Variants in PARL observed in about 807,000 individuals in gnomAD.
The protein encoded by PARL is presenilin associated rhomboid like, also known as presenilin-associated rhomboid-like protein, mitochondrial.
Under a neutral mutation model 51.6 loss-of-function variants are expected in PARL, and 44 were observed. The ratio of observed to expected loss-of-function variants is 0.85; its 90% CI spans 0.67 to 1.10. The LOEUF (loss-of-function observed/expected upper bound fraction) is 1.10, where lower values mean the gene tolerates loss of function less well. Among genes scored for constraint, PARL ranks in the 50% least tolerant of loss-of-function variants. The pLI is 0.00. For missense variants in PARL, 441 were observed against 469.5 expected (o/e 0.94, Z 0.56); for synonymous variants, 172 against 164.0 (o/e 1.05, Z -0.37).
intron 1 of PARL, among the ~76,000 whole-genome samples, chr3:183,875,143 G>A (rs544329788): frequency 4.5e-4 from 68 of 152,186 alleles, no homozygotes; most frequent in South Asian, 2.1e-3. Flanking sequence ...GGCTGGGTGT[G>A]GTGGCTCCCA....
intron 1 of PARL, among the ~76,000 whole-genome samples, chr3:183,882,225 ATATATATATATATAT>A (rs1734552556): frequency 5.1e-5 from 4 of 78,266 alleles, no homozygotes; most frequent in Non-Finnish European, 8.6e-5. Flanking sequence ...AAAAAAAAAT[ATATATATATATATAT>A]ATATTTATAT....
At chr3:183,840,086 T>TTTG (rs1318203812) in intron 7 of PARL, among the ~76,000 whole-genome samples, 1 of 152,176 alleles carries the variant, frequency 6.6e-6, no homozygotes, top group Non-Finnish European at 1.5e-5. Flanking sequence ...AGGAGCCTTT[T>TTTG]TTGTTGTTGT....
chr3:183,884,597 G>T, intron 1 of PARL, 125 bp downstream of exon 1: 1 of 898,010 alleles, frequency 1.1e-6, no homozygotes, highest in Non-Finnish European at 1.7e-6. Flanking sequence ...GAGAGAAGGG[G>T]CAGGTAAGGT....
At chr3:183,842,536 G>A (rs1729448385) in intron 5 of PARL, 89 bp from the exon 6 acceptor site, 14 of 1,263,264 alleles carry the variant, frequency 1.1e-5, no homozygotes, top group South Asian at 2.4e-5. Flanking sequence ...TAGGCCGGAC[G>A]CAGTGGCTCA....
At chr3:183,871,765 C>T (rs1009855981) in intron 1 of PARL, among the ~76,000 whole-genome samples, 5 of 152,026 alleles carry the variant, frequency 3.3e-5, no homozygotes, top group East Asian at 1.9e-4. Context: ...GCTGGGATGA[C>T]GGCCATCTTT....
chr3:183,846,688 C>T (rs891500271), intron 4 of PARL: 7 of 925,750 alleles, frequency 7.6e-6, no homozygotes, highest in African/African-American at 3.6e-5. Flanking sequence ...CATGGGGCAC[C>T]CCATTAGTAA....
At chr3:183,871,264 CAAGGTGGTACTATACTCAAAGT>C (rs1448668418) in intron 1 of PARL, among the ~76,000 whole-genome samples, 1 of 151,680 alleles carries the variant, frequency 6.6e-6, no homozygotes, top group Admixed American at 6.6e-5. Context: ...GTACTATACT[CAAGGTGGTACTATACTCAAAGT>C]AAGGTGGTAC....
intron 1 of PARL, among the ~76,000 whole-genome samples, chr3:183,878,626 C>T (rs758959768): frequency 6.6e-6 from 1 of 152,148 alleles, no homozygotes; most frequent in Non-Finnish European, 1.5e-5. Context: ...CCAGGTGATT[C>T]TCATGTGCCG....
intron 4 of PARL, among the ~76,000 whole-genome samples, chr3:183,853,553 A>G (rs1286334930): frequency 6.6e-6 from 1 of 152,222 alleles, no homozygotes; most frequent in East Asian, 1.9e-4. Context: ...CTCTGTCTCA[A>G]AAAAACAAAC....
At chr3:183,866,831 A>G in intron 2 of PARL, 66 bp from the exon 3 acceptor site, 3 of 1,168,236 alleles carry the variant, frequency 2.6e-6, no homozygotes, top group Non-Finnish European at 2.5e-6. Context: ...ATTATTTCCA[A>G]GGAGAATTCT....
At chr3:183,869,654 T>G (rs1156905919) in intron 1 of PARL, among the ~76,000 whole-genome samples, 1 of 152,130 alleles carries the variant, frequency 6.6e-6, no homozygotes, top group Non-Finnish European at 1.5e-5. Flanking sequence ...TATTATCCCT[T>G]CTACTAGCCT....
intron 1 of PARL, among the ~76,000 whole-genome samples, chr3:183,884,310 TA>T (rs1416623732): frequency 6.6e-6 from 1 of 152,184 alleles, no homozygotes; most frequent in Non-Finnish European, 1.5e-5. Context: ...GATCACAAGC[TA>T]AAGAAGGCGA....
chr3:183,862,949 G>A lies in PARL; in HGVS notation c.463-148C>T, dbSNP rs1303158162. ...ACAGACATAATAAATACGTGGTAGA[G>A]TGGAAAAGGCACATGTTTTATAGTC... On this transcript the variant is annotated intron_variant, in intron 3 of 9. Coordinates refer to ENST00000317096, the MANE Select transcript of PARL (RefSeq NM_018622.7). 4.2e-6 allele frequency: 3 copies of A among 716,056 alleles called. No individual in the cohort carries two copies. The African/African-American group carries it at 5.3e-5, about 13-fold the overall frequency. 44.4% of individuals were successfully genotyped at this position (716,056 alleles called of 1,614,324 possible). A position where few individuals can be genotyped will look rare whatever the true frequency, so the allele number is the denominator to read the frequency against.
At chr3:183,865,336 A>G (rs998042074) in intron 3 of PARL, among the ~76,000 whole-genome samples, 2 of 152,088 alleles carry the variant, frequency 1.3e-5, no homozygotes, top group African/African-American at 4.8e-5. Context: ...TGCTAGCTCT[A>G]TCCCTAAGGC....
At chr3:183,834,886 C>CAAAAAAAAAA (rs60078452) in intron 7 of PARL, among the ~76,000 whole-genome samples, 38 of 108,550 alleles carry the variant, frequency 3.5e-4, no homozygotes, top group African/African-American at 1.0e-3. Flanking sequence ...ACTAAAAATA[C>CAAAAAAAAAA]AAAAAAAAAA....
chr3:183,863,811 C>T (rs1472895650), intron 3 of PARL, among the ~76,000 whole-genome samples: 1 of 152,020 alleles, frequency 6.6e-6, no homozygotes, highest in Admixed American at 6.6e-5. Context: ...AAAGGGGTTC[C>T]CAGGACTTTC....
intron 1 of PARL, among the ~76,000 whole-genome samples, chr3:183,875,668 T>C (rs7635679): frequency 0.52 from 78,665 of 151,958 alleles, 20,724 homozygotes; most frequent in Middle Eastern, 0.66. Context: ...AACACACAAG[T>C]ACAACTTGAA....
intron 1 of PARL, chr3:183,883,565 C>T: frequency 1.0e-6 from 1 of 984,192 alleles, no homozygotes; most frequent in Non-Finnish European, 1.2e-6. Context: ...AGCCACCACG[C>T]CCGGCCAGTA....
chr3:183,877,211 T>G (rs753998976), intron 1 of PARL, among the ~76,000 whole-genome samples: 5 of 151,946 alleles, frequency 3.3e-5, no homozygotes, highest in Admixed American at 6.6e-5. Flanking sequence ...TGAAACTCCA[T>G]CTCGAAAAAA....
Sources: gnomAD v4.1 joint callset for allele counts (sites outside exome capture counted in the v4.1 genomes callset) on GRCh38, gnomAD v4.1.1 for gene constraint, MANE v1.5 for transcripts, NCBI Gene and HGNC (gene_info 2026-07-23, HGNC 2026-07-21) for gene names.